The following KATNBL1 variants were observed in gnomAD, a reference collection of about 807,000 sequenced individuals.
The protein encoded by KATNBL1 is katanin regulatory subunit B1 like 1, also known as KATNB1-like protein 1.
In KATNBL1, 28 loss-of-function variants were observed where a neutral mutation model predicts 44.7. That is an observed-to-expected ratio of 0.63 (90% CI 0.46 to 0.86). KATNBL1 has a LOEUF of 0.86. KATNBL1 is among the 40% of genes least tolerant of loss of function. The pLI is 0.00. For missense variants in KATNBL1, 272 were observed against 350.7 expected (o/e 0.78, Z 1.79); for synonymous variants, 78 against 114.9 (o/e 0.68, Z 2.06).
At chr15:34,142,496 A>G in intron 9 of KATNBL1, 125 bp from the exon 10 acceptor site, 1 of 1,047,382 alleles carries the variant, frequency 9.5e-7, no homozygotes, top group South Asian at 1.8e-5. Context: ...AGGGTAAAAG[A>G]CGTGCCTTGT....
chr15:34,200,237 A>T (rs1345076057), intron 1 of KATNBL1, among the ~76,000 whole-genome samples: 1 of 151,610 alleles, frequency 6.6e-6, no homozygotes, highest in Non-Finnish European at 1.5e-5. Flanking sequence ...ATGATTCATC[A>T]CACCACTTTC....
At chr15:34,202,386 G>A (rs1452507611) in intron 1 of KATNBL1, among the ~76,000 whole-genome samples, 1 of 152,178 alleles carries the variant, frequency 6.6e-6, no homozygotes, top group Non-Finnish European at 1.5e-5. Context: ...TTGGAAAAAA[G>A]GGTAGATCAT....
At chr15:34,169,707 C>A (rs1464140513) in intron 1 of KATNBL1, among the ~76,000 whole-genome samples, 2 of 152,150 alleles carry the variant, frequency 1.3e-5, no homozygotes, top group African/African-American at 4.8e-5. Flanking sequence ...ACTGGCAAAC[C>A]GAATCCAGCA....
intron 1 of KATNBL1, among the ~76,000 whole-genome samples, chr15:34,190,179 C>T (rs1264170626): frequency 1.3e-5 from 2 of 152,070 alleles, no homozygotes; most frequent in Non-Finnish European, 2.9e-5. Flanking sequence ...CTCCTGACCT[C>T]GTGATCCCCC....
At chr15:34,184,132 T>C (rs1889644723) in intron 1 of KATNBL1, among the ~76,000 whole-genome samples, 1 of 151,960 alleles carries the variant, frequency 6.6e-6, no homozygotes, top group Admixed American at 6.6e-5. Context: ...TGAAACCCCG[T>C]CTCTACTGAA....
intron 1 of KATNBL1, among the ~76,000 whole-genome samples, chr15:34,203,882 G>C (rs762230145): frequency 2.4e-4 from 37 of 152,090 alleles, no homozygotes; most frequent in Admixed American, 1.2e-3. Context: ...CCCTGTTGGG[G>C]GGTGGGGGGC....
intron 1 of KATNBL1, among the ~76,000 whole-genome samples, chr15:34,181,688 G>A (rs1331854597): frequency 7.0e-4 from 35 of 49,916 alleles, no homozygotes; most frequent in Non-Finnish European, 8.3e-4. Context: ...ACATATATAT[G>A]TCCATATATA....
At chr15:34,201,770 T>C (rs540939359) in intron 1 of KATNBL1, among the ~76,000 whole-genome samples, 6 of 152,158 alleles carry the variant, frequency 3.9e-5, no homozygotes, top group Non-Finnish European at 8.8e-5. Flanking sequence ...AAAATATATA[T>C]ACAACTGGCC....
At chr15:34,154,755 G>A (rs1888586665) in intron 2 of KATNBL1, 71 bp from the exon 3 acceptor site, 18 of 1,017,426 alleles carry the variant, frequency 1.8e-5, no homozygotes, top group Admixed American at 5.9e-5. Flanking sequence ...TCAGCACTCC[G>A]GCAAAAAGCT....
intron 5 of KATNBL1, among the ~76,000 whole-genome samples, 157 bp from the exon 6 acceptor site, chr15:34,147,587 A>T (rs887316540): frequency 6.7e-6 from 1 of 150,050 alleles, no homozygotes; most frequent in Non-Finnish European, 1.5e-5. Context: ...GAACAAAGAC[A>T]CAGGGCTTGT....
Position 34,151,110 on chromosome 15 carries a change from C to T in KATNBL1, c.438+1680G>A, listed in dbSNP as rs1471511643. 3.3e-5 allele frequency among the ~76,000 whole-genome samples: 5 copies of T among 152,214 alleles called. No individual in the cohort carries two copies. In the East Asian group the frequency reaches 9.7e-4, roughly 29 times the overall value. On this transcript the variant is annotated intron_variant, in intron 4 of 9. Transcript: ENST00000256544. ...CTTTATGGTAGCATGTTTTATATTC[C>T]TTTGGGTATATATCCAATAATAAGA...
chr15:34,149,970 T>C (rs1291082155), intron 4 of KATNBL1, among the ~76,000 whole-genome samples: 2 of 152,250 alleles, frequency 1.3e-5, no homozygotes, highest in African/African-American at 2.4e-5. Flanking sequence ...AACTGATGAG[T>C]GGACATCCTG....
chr15:34,181,779 T>C (rs148508118), intron 1 of KATNBL1, among the ~76,000 whole-genome samples: 7,548 of 128,602 alleles, frequency 0.059, 1,248 homozygotes, highest in Middle Eastern at 0.085. Context: ...TACACATATA[T>C]ATGTCCATAT....
chr15:34,146,570 G>T, intron 8 of KATNBL1, 191 bp downstream of exon 8: 1 of 534,128 alleles, frequency 1.9e-6, no homozygotes. Context: ...CAGGAGGTTA[G>T]TAGGCTCTGG....
chr15:34,202,708 C>T (rs1339367896), intron 1 of KATNBL1, among the ~76,000 whole-genome samples: 2 of 152,114 alleles, frequency 1.3e-5, no homozygotes, highest in African/African-American at 2.4e-5. Flanking sequence ...AATAAAATCT[C>T]GGCCAGGCGC....
At chr15:34,188,137 TAAAAAAAAA>T (rs1201268078) in intron 1 of KATNBL1, among the ~76,000 whole-genome samples, 17 of 22,096 alleles carry the variant, frequency 7.7e-4, no homozygotes, top group East Asian at 4.4e-3. Flanking sequence ...AGACGCCATG[TAAAAAAAAA>T]AAAAAAAAAA....
At chr15:34,197,109 A>G (rs1214892172) in intron 1 of KATNBL1, among the ~76,000 whole-genome samples, 1 of 152,238 alleles carries the variant, frequency 6.6e-6, no homozygotes, top group Non-Finnish European at 1.5e-5. Flanking sequence ...GTGGAGAACA[A>G]CCACTATTTG....
At chr15:34,204,018 TAATTAAA>T (rs1567541148) in intron 1 of KATNBL1, among the ~76,000 whole-genome samples, 1 of 85,944 alleles carries the variant, frequency 1.2e-5, no homozygotes, top group Non-Finnish European at 2.8e-5. Context: ...CCTCAGAACT[TAATTAAA>T]AAAAAAAAAA....
At chr15:34,145,259 CATTTGAAAATATGAA>C in intron 9 of KATNBL1, 124 bp downstream of exon 9, 1 of 1,421,406 alleles carries the variant, frequency 7.0e-7, no homozygotes, top group Non-Finnish European at 9.4e-7. Context: ...GGACCTGAAG[CATTTGAAAATATGAA>C]ATTGACTTTA....
Sources: gnomAD v4.1 joint callset for allele counts (sites outside exome capture counted in the v4.1 genomes callset) on GRCh38, gnomAD v4.1.1 for gene constraint, MANE v1.5 for transcripts, NCBI Gene and HGNC (gene_info 2026-07-23, HGNC 2026-07-21) for gene names.